Variants in ASTN2 observed in about 807,000 individuals in gnomAD.
ASTN2 encodes astrotactin-2.
A neutral mutation model predicts 139.8 loss-of-function variants in ASTN2; 54 were observed. The observed-to-expected ratio is 0.39, with a 90% CI of 0.31 to 0.48. The LOEUF (loss-of-function observed/expected upper bound fraction) is 0.48. Among genes scored for constraint, ASTN2 ranks in the 20% least tolerant of loss-of-function variants. ASTN2 has a pLI of 0.95. For synonymous variants in ASTN2, 756 were observed against 719.5 expected (o/e 1.05, Z -0.81); for missense variants, 1,565 against 1,725.1 (o/e 0.91, Z 1.64).
At chr9:116,988,515 A>G (rs569975888) in intron 7 of ASTN2, among the ~76,000 whole-genome samples, 1 of 152,278 alleles carries the variant, frequency 6.6e-6, no homozygotes, top group South Asian at 2.1e-4. Context: ...TTTGCCTTCA[A>G]TCCACTTAAC....
chr9:116,424,812 C>T lies in ASTN2; in HGVS notation c.*1039G>A, dbSNP rs1847262142. Among the ~76,000 whole-genome samples, 1 of 152,118 alleles carries T rather than the reference C, an allele frequency of 6.6e-6. No individual in the cohort carries two copies. The highest frequency in any genetic ancestry group is 2.4e-5 in the African/African-American group (1 of 41,432). ...CCACATTAGCCAGGCTGGTCTCAAA[C>T]TCCTGGCCTCAAGTGATCCACCTGC... On this transcript the variant is annotated 3_prime_UTR_variant, in exon 23 of 23. Coordinates refer to ENST00000313400, the MANE Select transcript of ASTN2 (RefSeq NM_001365068.1).
chr9:116,733,846 GA>G (rs1279217455), intron 13 of ASTN2, among the ~76,000 whole-genome samples: 1 of 152,074 alleles, frequency 6.6e-6, no homozygotes, highest in Non-Finnish European at 1.5e-5. Context: ...CACTTAATGG[GA>G]AAAACCTACC....
intron 20 of ASTN2, among the ~76,000 whole-genome samples, chr9:116,443,824 T>A (rs1471074824): frequency 1.3e-5 from 2 of 152,112 alleles, no homozygotes; most frequent in Non-Finnish European, 2.9e-5. Flanking sequence ...CTACATTAAG[T>A]AGAAGAGACT....
intron 4 of ASTN2, among the ~76,000 whole-genome samples, chr9:117,117,398 GAA>G (rs35130478): frequency 1.8e-4 from 25 of 140,064 alleles, no homozygotes; most frequent in South Asian, 1.4e-3. Flanking sequence ...CGAAGAAAGA[GAA>G]AAAAAAAAAA....
intron 2 of ASTN2, among the ~76,000 whole-genome samples, chr9:117,215,530 A>G (rs1448351600): frequency 1.3e-5 from 2 of 150,798 alleles, no homozygotes; most frequent in African/African-American, 2.5e-5. Flanking sequence ...CAGCTCCTAA[A>G]TATTTGAGTC....
chr9:117,116,976 A>G (rs1829412066), intron 4 of ASTN2, among the ~76,000 whole-genome samples: 1 of 152,022 alleles, frequency 6.6e-6, no homozygotes, highest in South Asian at 2.1e-4. Context: ...TAACAGATTC[A>G]CAATCAACTC....
intron 4 of ASTN2, among the ~76,000 whole-genome samples, chr9:117,112,332 T>A (rs891397037): frequency 5.3e-5 from 8 of 152,010 alleles, no homozygotes; most frequent in African/African-American, 1.9e-4. Context: ...CCACAATAGC[T>A]AAGTAATTTT....
intron 11 of ASTN2, among the ~76,000 whole-genome samples, chr9:116,851,677 A>T (rs181928944): frequency 1.5e-3 from 226 of 152,214 alleles, no homozygotes; most frequent in African/African-American, 5.3e-3. Context: ...ATAATTAAAA[A>T]AAAACACGTT....
At chr9:116,551,603 CAG>C (rs1228430635) in intron 19 of ASTN2, among the ~76,000 whole-genome samples, 1 of 152,190 alleles carries the variant, frequency 6.6e-6, no homozygotes, top group Non-Finnish European at 1.5e-5. Flanking sequence ...CCCCAACATT[CAG>C]AGTCAGTGGT....
chr9:117,326,544 T>C (rs954564454), intron 1 of ASTN2, among the ~76,000 whole-genome samples: 1 of 152,156 alleles, frequency 6.6e-6, no homozygotes, highest in African/African-American at 2.4e-5. Flanking sequence ...CCCATGGTAG[T>C]TGTGGGAGAA....
rs569173649 is a variant in ASTN2, at chr9:116,423,963, A to G, written c.*1888T>C. Among the ~76,000 whole-genome samples the G allele has an allele frequency of 6.6e-6, 1 of 152,254 alleles. No individual in the cohort carries two copies. The highest frequency in any genetic ancestry group is 2.1e-4 in the South Asian group (1 of 4,816). The stretch of plus-strand genomic sequence containing the variant: ...TTTGAATGGCTTATGTTTTATTGAT[A>G]TTCAGTATCTTTTCCTCTTCTGAAA... On this transcript the variant is annotated 3_prime_UTR_variant, in exon 23 of 23. Coordinates refer to ENST00000313400, the MANE Select transcript of ASTN2 (RefSeq NM_001365068.1).
chr9:116,782,620 T>G (rs1830248224), intron 13 of ASTN2, among the ~76,000 whole-genome samples: 1 of 152,198 alleles, frequency 6.6e-6, no homozygotes, highest in Non-Finnish European at 1.5e-5. Flanking sequence ...GGGAAAGAGA[T>G]CTGCATACTT....
chr9:117,025,293 A>G (rs1478295969), intron 6 of ASTN2, among the ~76,000 whole-genome samples: 1 of 152,174 alleles, frequency 6.6e-6, no homozygotes, highest in Non-Finnish European at 1.5e-5. Context: ...TACACTTTAG[A>G]AAACTGCCAA....
chr9:116,821,868 A>G (rs1445537811), intron 11 of ASTN2, among the ~76,000 whole-genome samples: 1 of 152,046 alleles, frequency 6.6e-6, no homozygotes, highest in African/African-American at 2.4e-5. Flanking sequence ...GCTATTGATT[A>G]AATTTAGTTT....
At chr9:117,412,738 AG>A (rs1407801797) in intron 1 of ASTN2, among the ~76,000 whole-genome samples, 1 of 152,160 alleles carries the variant, frequency 6.6e-6, no homozygotes, top group East Asian at 1.9e-4. Flanking sequence ...AGAGATCTAA[AG>A]GATGAAGGGA....
chr9:117,112,100 C>A (rs992111752), intron 4 of ASTN2, among the ~76,000 whole-genome samples: 3 of 151,896 alleles, frequency 2.0e-5, no homozygotes, highest in African/African-American at 7.2e-5. Context: ...TGCAATATAT[C>A]TTCAATGAAA....
intron 3 of ASTN2, among the ~76,000 whole-genome samples, chr9:117,164,485 T>A (rs1257961269): frequency 2.6e-5 from 4 of 152,140 alleles, no homozygotes; most frequent in Non-Finnish European, 5.9e-5. Flanking sequence ...AGCCTAATGT[T>A]GTATGAAGTT....
chr9:117,085,492 G>A (rs1828537866), intron 5 of ASTN2, among the ~76,000 whole-genome samples: 1 of 152,206 alleles, frequency 6.6e-6, no homozygotes, highest in African/African-American at 2.4e-5. Flanking sequence ...TCGATAAACT[G>A]GGATGGGCTG....
chr9:116,603,267 G>A (rs571593361), intron 19 of ASTN2, among the ~76,000 whole-genome samples: 1 of 152,222 alleles, frequency 6.6e-6, no homozygotes, highest in Non-Finnish European at 1.5e-5. Context: ...CCAAGCAAGA[G>A]AAAGTCCTAA....
Sources: gnomAD v4.1 joint callset for allele counts (sites outside exome capture counted in the v4.1 genomes callset) on GRCh38, gnomAD v4.1.1 for gene constraint, MANE v1.5 for transcripts, NCBI Gene and HGNC (gene_info 2026-07-23, HGNC 2026-07-21) for gene names.